The following NCKAP5 variants were observed in gnomAD, a reference collection of about 807,000 sequenced individuals.
NCKAP5 encodes the protein nck-associated protein 5.
NCKAP5 carries 92 observed loss-of-function variants against 167.0 expected under a neutral mutation model. The observed-to-expected ratio is 0.55, with a 90% CI of 0.47 to 0.66. The LOEUF (loss-of-function observed/expected upper bound fraction) is 0.66. Ranked by LOEUF, NCKAP5 falls within the 30% of genes least tolerant of loss-of-function variation. NCKAP5 has a pLI of 0.00. For synonymous variants in NCKAP5, 891 were observed against 877.4 expected (o/e 1.02, Z -0.27); for missense variants, 2,378 against 2,315.0 (o/e 1.03, Z -0.56).
At position 133,116,605 on chromosome 2, in the gene NCKAP5, G is replaced by A. The variant is rs2082093731; in HGVS notation, c.341+13373C>T. Among the ~76,000 whole-genome samples, 2 of 149,326 alleles carry A rather than the reference G, an allele frequency of 1.3e-5. 1 individual carries two copies. The highest frequency in any genetic ancestry group is 4.2e-4 in the South Asian group (2 of 4,718). On this transcript the variant is annotated intron_variant, in intron 6 of 19. Transcript: ENST00000409261. ...AAAGACACTGGAAGAAAAAACTTTA[G>A]TAAAACGGTATATATCTAAAACTAT... is the stretch of plus-strand genomic sequence containing the variant.
intron 7 of NCKAP5, among the ~76,000 whole-genome samples, chr2:132,970,164 A>G (rs2076790444): frequency 6.6e-6 from 1 of 152,212 alleles, no homozygotes; most frequent in Non-Finnish European, 1.5e-5. Flanking sequence ...TAAAAACACG[A>G]CAGTATTTTT....
intron 3 of NCKAP5, among the ~76,000 whole-genome samples, chr2:133,514,524 C>T (rs1456877049): frequency 2.6e-5 from 4 of 152,176 alleles, no homozygotes; most frequent in South Asian, 4.1e-4. Context: ...TTCTACTCAA[C>T]ACTTCAATGA....
At chr2:133,129,078 TC>T (rs2082503863) in intron 6 of NCKAP5, among the ~76,000 whole-genome samples, 1 of 146,476 alleles carries the variant, frequency 6.8e-6, no homozygotes, top group Non-Finnish European at 1.5e-5. Flanking sequence ...TGAAATCTCA[TC>T]CTTTTGGCTG....
At chr2:132,975,109 T>A (rs12327921) in intron 7 of NCKAP5, among the ~76,000 whole-genome samples, 88,957 of 151,812 alleles carry the variant, frequency 0.59, 26,268 homozygotes, top group Middle Eastern at 0.7. Flanking sequence ...GCATACTAAA[T>A]TTTAAAGAGG....
chr2:132,705,425 C>T (rs1348392748), intron 19 of NCKAP5, among the ~76,000 whole-genome samples: 1 of 152,142 alleles, frequency 6.6e-6, no homozygotes, highest in African/African-American at 2.4e-5. Context: ...TAATAAGTCT[C>T]CTGTCAAGAT....
chr2:133,562,266 A>G (rs1347043), intron 1 of NCKAP5, among the ~76,000 whole-genome samples: 76,519 of 151,912 alleles, frequency 0.5, 19,982 homozygotes, highest in South Asian at 0.61. Context: ...CAATGTTTAT[A>G]TATATGAGCA....
At chr2:133,181,627 A>AAAAAAAAAAAAAAAAAAAAG (rs2084741486) in intron 5 of NCKAP5, among the ~76,000 whole-genome samples, 1 of 146,572 alleles carries the variant, frequency 6.8e-6, no homozygotes, top group African/African-American at 2.5e-5. Context: ...AAAAAAAAAA[A>AAAAAAAAAAAAAAAAAAAAG]ATTAGCCAGG....
chr2:133,473,495 T>C (rs1209373957), intron 3 of NCKAP5, among the ~76,000 whole-genome samples: 2 of 152,170 alleles, frequency 1.3e-5, no homozygotes, highest in African/African-American at 2.4e-5. Flanking sequence ...TGTGAGGAGA[T>C]GGACAGCAGA....
chr2:133,463,968 T>C (rs1472091701), intron 3 of NCKAP5, among the ~76,000 whole-genome samples: 2 of 152,208 alleles, frequency 1.3e-5, no homozygotes, highest in Non-Finnish European at 2.9e-5. Flanking sequence ...ATGTTAACCA[T>C]ACATTTTGGT....
rs1558942686 is a variant in NCKAP5 at position 132,920,719 on chromosome 2, G to GCA, written c.580-41804_580-41803insTG. ...TATATATACGTATATGTATATATAT[G>GCA]TATATATATATATGTATATATATGT... On this transcript the variant is annotated intron_variant, in intron 8 of 19. Coordinates refer to ENST00000409261, the MANE Select transcript of NCKAP5 (RefSeq NM_207363.3). 1.2e-3 allele frequency among the ~76,000 whole-genome samples: 80 copies of GCA among 64,690 alleles called. 2 individuals carry two copies. In the East Asian group the frequency reaches 0.016, roughly 13 times the overall value. The allele number at this position is 64,690 out of a possible 152,430, so 42.4% of individuals were successfully genotyped here.
intron 2 of NCKAP5, among the ~76,000 whole-genome samples, chr2:133,519,863 A>T (rs1430801224): frequency 6.6e-6 from 1 of 152,140 alleles, no homozygotes; most frequent in Non-Finnish European, 1.5e-5. Flanking sequence ...TAGGTACAGT[A>T]TGAAGGAAAT....
intron 4 of NCKAP5, among the ~76,000 whole-genome samples, chr2:133,260,442 T>G: frequency 6.6e-6 from 1 of 152,098 alleles, no homozygotes; most frequent in East Asian, 1.9e-4. Context: ...CCTTCTTGAG[T>G]TAATTCACAA....
intron 5 of NCKAP5, among the ~76,000 whole-genome samples, chr2:133,206,223 A>T (rs574336211): frequency 6.8e-4 from 104 of 152,284 alleles, no homozygotes; most frequent in Non-Finnish European, 1.0e-3. Context: ...TCCATTTTTT[A>T]AAAAAATTAT....
chr2:133,318,250 C>A (rs1409571894), intron 3 of NCKAP5, among the ~76,000 whole-genome samples: 1 of 152,066 alleles, frequency 6.6e-6, no homozygotes. Flanking sequence ...TAGTAGATAC[C>A]CATCCCTGCC....
intron 3 of NCKAP5, among the ~76,000 whole-genome samples, chr2:133,415,415 A>G (rs1191729772): frequency 1.3e-5 from 2 of 152,252 alleles, no homozygotes; most frequent in Non-Finnish European, 2.9e-5. Flanking sequence ...GTGGGGCATC[A>G]GCTGGACTCT....
the NCKAP5 span, among the ~76,000 whole-genome samples, chr2:133,659,817 G>C: frequency 6.6e-6 from 1 of 152,032 alleles, no homozygotes; most frequent in Admixed American, 6.5e-5. Context: ...ATTTAAATGA[G>C]AGTATATACA....
At chr2:133,070,910 A>G (rs2080372658) in intron 6 of NCKAP5, among the ~76,000 whole-genome samples, 1 of 152,212 alleles carries the variant, frequency 6.6e-6, no homozygotes, top group East Asian at 1.9e-4. Context: ...TTTTGTAAAA[A>G]TTGTGTGAGT....
At chr2:133,561,230 C>T (rs932122266) in intron 1 of NCKAP5, among the ~76,000 whole-genome samples, 14 of 152,156 alleles carry the variant, frequency 9.2e-5, no homozygotes, top group Middle Eastern at 3.2e-3. Context: ...TGAAATTTTA[C>T]TTAGTTTAAC....
chr2:132,919,580 A>G (rs1574628906), intron 8 of NCKAP5, among the ~76,000 whole-genome samples: 1 of 152,330 alleles, frequency 6.6e-6, no homozygotes, highest in African/African-American at 2.4e-5. Context: ...CAACAGCGGG[A>G]TGATGGTATA....
Sources: allele counts gnomAD v4.1 joint callset (sites outside exome capture counted in the v4.1 genomes callset), GRCh38; gene constraint gnomAD v4.1.1; transcripts MANE v1.5; gene names NCBI Gene and HGNC (gene_info 2026-07-23, HGNC 2026-07-21).